Variants in PDE4B observed in about 807,000 individuals in gnomAD.
PDE4B encodes the protein 3',5'-cyclic-AMP phosphodiesterase 4B.
Under a neutral mutation model 82.2 loss-of-function variants are expected in PDE4B, and 20 were observed. That is an observed-to-expected ratio of 0.24 (90% CI 0.17 to 0.35). The LOEUF is 0.35. PDE4B is among the 10% of genes least tolerant of loss of function. PDE4B has a pLI of 1.00. For synonymous variants in PDE4B, 320 were observed against 318.9 expected (o/e 1.00, Z -0.04); for missense variants, 655 against 907.2 (o/e 0.72, Z 3.57).
At chr1:66,215,782 C>T (rs1406682376) in intron 3 of PDE4B, among the ~76,000 whole-genome samples, 2 of 152,074 alleles carry the variant, frequency 1.3e-5, no homozygotes, top group East Asian at 1.9e-4. Flanking sequence ...TCTCTGCCTC[C>T]CCTATTCTTT....
chr1:66,370,104 T>C (rs1356262235), intron 16 of PDE4B, among the ~76,000 whole-genome samples: 3 of 143,026 alleles, frequency 2.1e-5, no homozygotes, highest in African/African-American at 8.1e-5. Flanking sequence ...TGAGCTGAGA[T>C]TGTGCCACTG....
chr1:66,163,099 G>A (rs1319068379), intron 3 of PDE4B, among the ~76,000 whole-genome samples: 1 of 152,136 alleles, frequency 6.6e-6, no homozygotes, highest in African/African-American at 2.4e-5. Context: ...CCAAAGAAGT[G>A]TGCTCAACTC....
At chr1:65,836,350 A>T (rs749574622) in intron 1 of PDE4B, among the ~76,000 whole-genome samples, 58 of 152,060 alleles carry the variant, frequency 3.8e-4, no homozygotes, top group Non-Finnish European at 8.1e-4. Context: ...AAGATCATTT[A>T]TCTGGTCTTG....
chr1:66,220,366 T>C lies in PDE4B; in HGVS notation c.282-27094T>C, dbSNP rs116545038. Among the ~76,000 whole-genome samples, 948 of 152,284 alleles carry C rather than the reference T, an allele frequency of 6.2e-3. 10 individuals carry two copies. Among genetic ancestry groups the C allele is most frequent in the African/African-American group, 0.021 (881 of 41,562 alleles). On this transcript the variant is annotated intron_variant, in intron 3 of 16. Transcript: ENST00000341517. ...GAGAAAACATTTTGTAGTTTCTAAA[T>C]TGTCTCTTCATAAGTTCCAAGGGAT...
chr1:65,933,762 C>T (rs1047320172), intron 3 of PDE4B, among the ~76,000 whole-genome samples: 7 of 151,554 alleles, frequency 4.6e-5, no homozygotes, highest in South Asian at 2.1e-4. Context: ...ATGACACAAA[C>T]GGTAACATGA....
At chr1:66,189,433 A>G (rs1360088446) in intron 3 of PDE4B, among the ~76,000 whole-genome samples, 2 of 152,340 alleles carry the variant, frequency 1.3e-5, no homozygotes, top group African/African-American at 4.8e-5. Flanking sequence ...AGTGTTTTCC[A>G]ACTTGGTTCC....
At chr1:66,021,562 A>G (rs1653116582) in intron 3 of PDE4B, among the ~76,000 whole-genome samples, 1 of 152,168 alleles carries the variant, frequency 6.6e-6, no homozygotes, top group African/African-American at 2.4e-5. Flanking sequence ...AGCACCATTT[A>G]TTAAATAGGG....
chr1:66,298,311 G>T (rs903058707), intron 7 of PDE4B, among the ~76,000 whole-genome samples: 1 of 152,094 alleles, frequency 6.6e-6, no homozygotes, highest in African/African-American at 2.4e-5. Flanking sequence ...GGAAATGGGA[G>T]AAAAGGAAGC....
Position 66,367,606 on chromosome 1 carries a change from G to A in PDE4B, c.1385-90G>A, listed in dbSNP as rs543357860. On this transcript the variant is annotated intron_variant, in intron 13 of 16. Transcript: ENST00000341517. Reference sequence around the variant, plus strand: ...CTGGTGGTTCTTGAAATAATTTGGAGAGAACTAGGTCTGATTTCACTTTGA... The same window carrying A: ...CTGGTGGTTCTTGAAATAATTTGGAAAGAACTAGGTCTGATTTCACTTTGA... The A allele has an allele frequency of 2.7e-4, 279 of 1,027,000 alleles. 1 individual carries two copies. Among genetic ancestry groups the A allele is most frequent in the South Asian group, 4.5e-4 (27 of 59,806 alleles). The allele number at this position is 1,027,000 out of a possible 1,614,324, so 63.6% of individuals were successfully genotyped here.
Position 66,369,310 on chromosome 1 carries a change from A to G in PDE4B, c.1845+341A>G, listed in dbSNP as rs189030039. Reference sequence around the variant, plus strand: ...CTGGATTTCTCCTAGCTCTGTCTTCATTCAAGAACTCTACTCCTCATCCTT... The same window carrying G: ...CTGGATTTCTCCTAGCTCTGTCTTCGTTCAAGAACTCTACTCCTCATCCTT... On this transcript the variant is annotated intron_variant, in intron 16 of 16. Transcript: ENST00000341517. Among the ~76,000 whole-genome samples, 904 of 152,296 alleles carry G rather than the reference A, an allele frequency of 5.9e-3. 7 individuals carry two copies. Among genetic ancestry groups the G allele is most frequent in the Non-Finnish European group, 0.011 (741 of 68,018 alleles).
chr1:65,949,020 A>G (rs556220354), intron 3 of PDE4B, among the ~76,000 whole-genome samples: 6 of 151,972 alleles, frequency 3.9e-5, no homozygotes, highest in African/African-American at 1.2e-4. Flanking sequence ...AGCCCTTTCC[A>G]TAAATTCTGT....
intron 3 of PDE4B, among the ~76,000 whole-genome samples, chr1:66,157,226 C>A (rs996206532): frequency 6.6e-6 from 1 of 152,146 alleles, no homozygotes; most frequent in Non-Finnish European, 1.5e-5. Flanking sequence ...TCTTGTCTGT[C>A]CACACGTCCC....
At chr1:66,078,855 A>C (rs1323849317) in intron 3 of PDE4B, among the ~76,000 whole-genome samples, 1 of 152,128 alleles carries the variant, frequency 6.6e-6, no homozygotes, top group Non-Finnish European at 1.5e-5. Context: ...TATCACCTTC[A>C]TCAAAGAACA....
intron 1 of PDE4B, among the ~76,000 whole-genome samples, chr1:65,854,687 T>C (rs1424608236): frequency 6.6e-6 from 1 of 152,100 alleles, no homozygotes; most frequent in Non-Finnish European, 1.5e-5. Flanking sequence ...TGATATACTT[T>C]TCTTGTATTT....
At chr1:66,352,674 A>C (rs1217940671) in intron 8 of PDE4B, among the ~76,000 whole-genome samples, 1 of 151,486 alleles carries the variant, frequency 6.6e-6, no homozygotes, top group African/African-American at 2.4e-5. Flanking sequence ...TACTAGAATG[A>C]AAGCTGATTA....
intron 1 of PDE4B, among the ~76,000 whole-genome samples, chr1:65,866,017 C>T (rs778424344): frequency 3.9e-5 from 6 of 152,088 alleles, no homozygotes; most frequent in Non-Finnish European, 7.4e-5. Flanking sequence ...GATTTGGACT[C>T]GGACAGGTTA....
At chr1:65,909,855 C>G (rs1398906597) in intron 1 of PDE4B, among the ~76,000 whole-genome samples, 1 of 152,002 alleles carries the variant, frequency 6.6e-6, no homozygotes, top group Non-Finnish European at 1.5e-5. Context: ...CCTTTTTGTC[C>G]TTACGCTAGT....
chr1:65,991,574 T>G (rs1211214540), intron 3 of PDE4B, among the ~76,000 whole-genome samples: 1 of 152,198 alleles, frequency 6.6e-6, no homozygotes, highest in Non-Finnish European at 1.5e-5. Context: ...ATTGCCGGTA[T>G]AGACTTTTCA....
intron 3 of PDE4B, among the ~76,000 whole-genome samples, chr1:65,963,758 T>G (rs2100603975): frequency 6.6e-6 from 1 of 152,330 alleles, no homozygotes; most frequent in East Asian, 1.9e-4. Context: ...ACACTCATTC[T>G]TCCTTCTTCA....
Sources: allele counts gnomAD v4.1 joint callset (sites outside exome capture counted in the v4.1 genomes callset), GRCh38; gene constraint gnomAD v4.1.1; transcripts MANE v1.5; gene names NCBI Gene and HGNC (gene_info 2026-07-23, HGNC 2026-07-21).